OSBPL9: variants seen among roughly 807,000 people sequenced by gnomAD.
OSBPL9 encodes the protein oxysterol-binding protein-related protein 9.
In OSBPL9, 40 loss-of-function variants were observed where a neutral mutation model predicts 106.6. The observed-to-expected ratio is 0.38, with a 90% CI of 0.29 to 0.49. The LOEUF (loss-of-function observed/expected upper bound fraction) is 0.49, where lower values mean the gene tolerates loss of function less well. Ranked by LOEUF, OSBPL9 falls within the 20% of genes least tolerant of loss-of-function variation. OSBPL9 has a pLI of 0.97. For missense variants in OSBPL9, 609 were observed against 887.2 expected (o/e 0.69, Z 3.98); for synonymous variants, 269 against 295.4 (o/e 0.91, Z 0.92).
At chr1:51,629,812 G>A (rs1644998974) in intron 1 of OSBPL9, among the ~76,000 whole-genome samples, 1 of 152,016 alleles carries the variant, frequency 6.6e-6, no homozygotes, top group South Asian at 2.1e-4. Context: ...AGCTGGGTGT[G>A]GTGGTGTGCG....
the OSBPL9 span, chr1:51,563,659 C>T: frequency 2.0e-5 from 3 of 152,378 alleles, no homozygotes; most frequent in South Asian, 4.1e-4. Context: ...AGGCCTTTCC[C>T]ACTCCCCATC....
intron 1 of OSBPL9, among the ~76,000 whole-genome samples, chr1:51,587,609 C>G (rs1233230312): frequency 6.6e-6 from 1 of 152,186 alleles, no homozygotes; most frequent in Non-Finnish European, 1.5e-5. Context: ...TTACCAGGTA[C>G]AGGGGTTGTA....
chr1:51,663,780 G>C (rs904542968), intron 2 of OSBPL9, among the ~76,000 whole-genome samples: 3 of 152,048 alleles, frequency 2.0e-5, no homozygotes, highest in African/African-American at 7.3e-5. Context: ...GATATAGAAA[G>C]AACTCCTACA....
At chr1:51,530,218 A>T in the OSBPL9 span, among the ~76,000 whole-genome samples, 28,190 of 126,382 alleles carry the variant, frequency 0.22, 4,859 homozygotes, top group Middle Eastern at 0.33. Context: ...TCTAAGAAGA[A>T]AACATAGATG....
chr1:51,561,348 TTAGAAG>T, the OSBPL9 span: 1 of 152,196 alleles, frequency 6.6e-6, no homozygotes, highest in Non-Finnish European at 1.5e-5. Context: ...CTTTTCACAT[TTAGAAG>T]TAGGAGACTT....
the OSBPL9 span, among the ~76,000 whole-genome samples, chr1:51,522,264 C>T: frequency 7.9e-5 from 12 of 152,030 alleles, no homozygotes; most frequent in African/African-American, 2.9e-4. Flanking sequence ...TCTTGGTTAA[C>T]AAAAAATAAA....
chr1:51,776,786 C>T lies in OSBPL9; in HGVS notation c.1171-47C>T, dbSNP rs569686219. 172 of 1,095,188 alleles carry T rather than the reference C, an allele frequency of 1.6e-4. 1 individual carries two copies. Among genetic ancestry groups the T allele is most frequent in the South Asian group, 1.4e-3 (99 of 69,608 alleles). 67.8% of individuals were successfully genotyped at this position (1,095,188 alleles called of 1,614,324 possible). A position where few individuals can be genotyped will look rare whatever the true frequency, so the allele number is the denominator to read the frequency against. Reference sequence around the variant, plus strand: ...TTTTTTTTTTTTTTAGTCTGTTTATCTGAAGAGAAATTTGATCTTCAAGGG... The same window carrying T: ...TTTTTTTTTTTTTTAGTCTGTTTATTTGAAGAGAAATTTGATCTTCAAGGG... On this transcript the variant is annotated intron_variant, in intron 14 of 23. Transcript: ENST00000428468.
At chr1:51,784,194 T>C in intron 18 of OSBPL9, 70 bp from the exon 19 acceptor site, 1 of 1,517,366 alleles carries the variant, frequency 6.6e-7, no homozygotes, top group Non-Finnish European at 9.1e-7. Context: ...GGAGTAACCA[T>C]CAGCTCGACA....
chr1:51,637,930 G>A (rs573908896), intron 1 of OSBPL9, among the ~76,000 whole-genome samples: 1 of 152,126 alleles, frequency 6.6e-6, no homozygotes, highest in African/African-American at 2.4e-5. Context: ...TAATCTTTGG[G>A]TCAAAAAAAC....
At chr1:51,609,749 T>C (rs938035929) in intron 2 of OSBPL9, among the ~76,000 whole-genome samples, 21 of 133,378 alleles carry the variant, frequency 1.6e-4, no homozygotes, top group African/African-American at 6.1e-4. Flanking sequence ...TGAATGTCTA[T>C]TTTTTTTTTT....
At chr1:51,746,847 A>G (rs1438417727) in intron 6 of OSBPL9, 90 bp downstream of exon 6, 3 of 1,019,020 alleles carry the variant, frequency 2.9e-6, no homozygotes, top group Non-Finnish European at 4.4e-6. Context: ...TTTACTTACT[A>G]TAATAATATT....
chr1:51,723,110 C>T (rs1182474403), intron 4 of OSBPL9, among the ~76,000 whole-genome samples: 1 of 152,212 alleles, frequency 6.6e-6, no homozygotes, highest in Non-Finnish European at 1.5e-5. Context: ...ACATCCCCCA[C>T]CAGAGTGGTT....
chr1:51,647,452 C>G (rs969515078), intron 1 of OSBPL9, among the ~76,000 whole-genome samples: 6 of 152,066 alleles, frequency 3.9e-5, no homozygotes, highest in African/African-American at 1.4e-4. Flanking sequence ...AGTGTTCGCT[C>G]TTCTATATTT....
rs764018555 is a variant in OSBPL9 at position 51,750,157 on chromosome 1, T to G, written c.505T>G (p.Ser169Ala). ...LKETTNSMVE[S>A]IKHCIVLLQI... The stretch of plus-strand genomic sequence containing the variant: ...TTTGTTTTTATAGAGCATGGTAGAA[T>G]CAATTAAACACTGCATTGTGTTGCT... The change falls in exon 8 of 24, where the codon TCA becomes GCA. Residue 169 changes from serine (S) to alanine (A), a missense_variant. Around this residue, in one of 5 missense-constraint regions of OSBPL9, gnomAD observed 356 missense variants for 505.8 expected, o/e 0.70. Coordinates refer to ENST00000428468, the MANE Select transcript of OSBPL9 (RefSeq NM_024586.6). 1 of 1,605,606 alleles carries G rather than the reference T, an allele frequency of 6.2e-7. No individual in the cohort carries two copies. Among genetic ancestry groups the G allele is most frequent in the South Asian group, 1.1e-5 (1 of 89,196 alleles).
intron 3 of OSBPL9, among the ~76,000 whole-genome samples, chr1:51,685,058 C>T (rs1370885899): frequency 1.3e-5 from 2 of 152,032 alleles, no homozygotes; most frequent in East Asian, 1.9e-4. Context: ...GGCAGTCCTT[C>T]GCTTCTAGAA....
intron 4 of OSBPL9, among the ~76,000 whole-genome samples, chr1:51,730,706 T>C (rs1664188289): frequency 6.6e-6 from 1 of 152,234 alleles, no homozygotes; most frequent in Admixed American, 6.5e-5. Context: ...GTATTTGTTA[T>C]GAAAGGTTGA....
chr1:51,654,318 G>T (rs61782133), intron 2 of OSBPL9, among the ~76,000 whole-genome samples: 66 of 152,270 alleles, frequency 4.3e-4, no homozygotes, highest in Non-Finnish European at 8.2e-4. Context: ...GCAAAATAAT[G>T]ACAGGCTATC....
rs757216023 is a variant in OSBPL9, at chr1:51,787,813, C to G, written c.*24C>G. 6.3e-7 allele frequency: 1 copy of G among 1,582,588 alleles called. No individual in the cohort carries two copies. The highest frequency in any genetic ancestry group is 1.7e-5 in the Admixed American group (1 of 59,944). On this transcript the variant is annotated 3_prime_UTR_variant, in exon 24 of 24. Coordinates refer to ENST00000428468, the MANE Select transcript of OSBPL9 (RefSeq NM_024586.6). ...AGGTTGGAAGATGCAAAGTTTATAC[C>G]TGATGATCAGGGCAGTAGGCATAAT...
chr1:51,647,908 A>C (rs1025770410), intron 1 of OSBPL9, among the ~76,000 whole-genome samples: 4 of 152,142 alleles, frequency 2.6e-5, no homozygotes, highest in African/African-American at 9.7e-5. Flanking sequence ...TGAGCTCAGG[A>C]GTAGCCCGAG....
Sources: gnomAD v4.1 joint callset for allele counts (sites outside exome capture counted in the v4.1 genomes callset) on GRCh38, gnomAD v4.1.1 for gene constraint, gnomAD v4.1.1 regional missense constraint, MANE v1.5 for transcripts, NCBI Gene and HGNC (gene_info 2026-07-23, HGNC 2026-07-21) for gene names.